Variants in MBP observed in about 807,000 individuals in gnomAD.
MBP encodes Golli-MBP.
MBP carries 16 observed loss-of-function variants against 35.8 expected under a neutral mutation model. That is an observed-to-expected ratio of 0.45 (90% CI 0.30 to 0.68). The LOEUF is 0.68. Among genes scored for constraint, MBP ranks in the 30% least tolerant of loss-of-function variants. MBP has a pLI of 0.08. For missense variants in MBP, 380 were observed against 404.7 expected (o/e 0.94, Z 0.52); for synonymous variants, 143 against 159.6 (o/e 0.90, Z 0.78).
intron 2 of MBP, among the ~76,000 whole-genome samples, chr18:77,076,055 T>G (rs774909860): frequency 9.9e-5 from 15 of 152,142 alleles, no homozygotes; most frequent in Non-Finnish European, 1.9e-4. Flanking sequence ...GCACTGTGAG[T>G]GTGAGTTACG....
chr18:77,091,592 C>A (rs1265160455), intron 2 of MBP, among the ~76,000 whole-genome samples: 2 of 150,194 alleles, frequency 1.3e-5, no homozygotes, highest in African/African-American at 4.9e-5. Flanking sequence ...AGAAACCACA[C>A]ACACACACAC....
intron 4 of MBP, among the ~76,000 whole-genome samples, chr18:76,992,787 G>GGAGCCA (rs1422316890): frequency 2.0e-5 from 3 of 152,154 alleles, no homozygotes; most frequent in African/African-American, 7.2e-5. Flanking sequence ...AGCCCTGCCA[G>GGAGCCA]GAGCCAGAGC....
At chr18:77,126,979 A>C (rs991112797) in intron 1 of MBP, among the ~76,000 whole-genome samples, 1 of 152,248 alleles carries the variant, frequency 6.6e-6, no homozygotes, top group Non-Finnish European at 1.5e-5. Flanking sequence ...TATACATTTG[A>C]AGAAATTCCT....
At chr18:77,034,156 G>C (rs992028713) in intron 3 of MBP, among the ~76,000 whole-genome samples, 2 of 151,402 alleles carry the variant, frequency 1.3e-5, no homozygotes, top group South Asian at 2.1e-4. Flanking sequence ...GGAAGTCAGA[G>C]AGATTCTAGG....
At chr18:77,021,291 A>C (rs1262463911) in intron 3 of MBP, among the ~76,000 whole-genome samples, 1 of 152,224 alleles carries the variant, frequency 6.6e-6, no homozygotes, top group Non-Finnish European at 1.5e-5. Context: ...GTACACACAC[A>C]CACGCAAACA....
intron 3 of MBP, among the ~76,000 whole-genome samples, chr18:77,032,898 T>C (rs1379484562): frequency 6.6e-6 from 1 of 152,198 alleles, no homozygotes; most frequent in Non-Finnish European, 1.5e-5. Flanking sequence ...CAAAACACAC[T>C]AGTTGAACTG....
intron 3 of MBP, among the ~76,000 whole-genome samples, chr18:77,048,022 T>C (rs1973325288): frequency 6.6e-6 from 1 of 152,214 alleles, no homozygotes; most frequent in South Asian, 2.1e-4. Context: ...GCAATGCCAG[T>C]AAAAAATAGG....
chr18:77,020,619 C>T lies in MBP; in HGVS notation c.140-3351G>A, dbSNP rs1028053684. 2.6e-5 allele frequency among the ~76,000 whole-genome samples: 4 copies of T among 152,216 alleles called. No homozygotes were observed. Among genetic ancestry groups the T allele is most frequent in the African/African-American group, 9.6e-5 (4 of 41,458 alleles). ...TGACATGCTGTCTGTTAGGGAGGCTCGTTAGAGACCCTTCCCAGGGCTTTA... is the reference window on the plus strand; with the variant it reads ...TGACATGCTGTCTGTTAGGGAGGCTTGTTAGAGACCCTTCCCAGGGCTTTA... On this transcript the variant is annotated intron_variant, in intron 3 of 8. Transcript: ENST00000355994. This position sits in a 1 kb window ranked among gnomAD's most constrained non-coding sequence, Gnocchi z 4.1.
At chr18:77,083,517 T>C (rs1359758061) in intron 2 of MBP, among the ~76,000 whole-genome samples, 1 of 152,200 alleles carries the variant, frequency 6.6e-6, no homozygotes, top group Admixed American at 6.5e-5. Context: ...CGTGTCCACA[T>C]AAAAAGTTGC....
chr18:77,105,353 C>A, intron 1 of MBP, 67 bp from the exon 2 acceptor site: 1 of 1,012,930 alleles, frequency 9.9e-7, no homozygotes, highest in Non-Finnish European at 1.6e-6. Context: ...GTTGTTTTTC[C>A]ATCAGAAAGA....
chr18:77,038,327 G>A (rs1437002414), intron 3 of MBP, among the ~76,000 whole-genome samples: 1 of 152,206 alleles, frequency 6.6e-6, no homozygotes, highest in Non-Finnish European at 1.5e-5. Flanking sequence ...GTGTGAACTG[G>A]CAGCCCTGGG....
intron 2 of MBP, among the ~76,000 whole-genome samples, chr18:77,076,966 G>A (rs1974676942): frequency 6.6e-6 from 1 of 152,204 alleles, no homozygotes. Flanking sequence ...TTGTACAAGA[G>A]TGAGAATAAT....
intron 1 of MBP, among the ~76,000 whole-genome samples, chr18:77,121,407 A>G (rs1431186413): frequency 6.6e-6 from 1 of 151,934 alleles, no homozygotes; most frequent in Non-Finnish European, 1.5e-5. Context: ...TAGTGTTAGG[A>G]CTCTTTCCTA....
At position 76,980,161 on chromosome 18, in the gene MBP, G is replaced by A. The variant is rs879461505; in HGVS notation, c.*266C>T. 2.5e-5 allele frequency: 16 copies of A among 643,298 alleles called. No homozygotes were observed. The highest frequency in any genetic ancestry group is 3.6e-5 in the African/African-American group (2 of 54,950). 39.8% of individuals were successfully genotyped at this position (643,298 alleles called of 1,614,324 possible). A position where few individuals can be genotyped will look rare whatever the true frequency, so the allele number is the denominator to read the frequency against. On this transcript the variant is annotated 3_prime_UTR_variant, in exon 9 of 9. Coordinates refer to ENST00000355994, the MANE Select transcript of MBP (RefSeq NM_001025101.2). The stretch of plus-strand genomic sequence containing the variant: ...CCTGGCCCCCTGAAGACCCACGTGC[G>A]TCTGGGGGCACATTGCGGGGGAAGG...
chr18:77,118,714 A>C (rs1167278574), intron 1 of MBP, among the ~76,000 whole-genome samples: 1 of 129,032 alleles, frequency 7.8e-6, no homozygotes, highest in East Asian at 2.4e-4. Flanking sequence ...CCCCCACACT[A>C]TATGCATACC....
chr18:76,992,501 C>A (rs745764081), intron 4 of MBP, among the ~76,000 whole-genome samples: 6 of 152,262 alleles, frequency 3.9e-5, no homozygotes, highest in Middle Eastern at 6.8e-3. Flanking sequence ...ACGTTTCTTG[C>A]CCTCACCCCC....
chr18:77,013,232 G>T, intron 4 of MBP: 6 of 985,434 alleles, frequency 6.1e-6, no homozygotes, highest in Non-Finnish European at 6.0e-6. Context: ...TCCAATGGAG[G>T]TACTGAGTGG....
chr18:77,012,971 G>A (rs1971433255), intron 4 of MBP: 1 of 985,370 alleles, frequency 1.0e-6, no homozygotes, highest in Non-Finnish European at 1.2e-6. Context: ...TGCCAGTACA[G>A]ACACATCCAG....
In MBP at chr18:76,984,801, C is replaced by T. The variant is rs1224287587; in HGVS notation, c.844G>A (p.Gly282Ser). ...HKGFKGVDAQ[G>S]TLSKIFKLGG... Reference sequence around the variant, plus strand: ...AGCTTAAAAATTTTGGAAAGCGTGCCCTGGGCATCGACTCCCTTGAATCCC... The same window carrying T: ...AGCTTAAAAATTTTGGAAAGCGTGCTCTGGGCATCGACTCCCTTGAATCCC... Residue 282 changes from glycine (G) to serine (S), a missense_variant, in exon 8 of 9, where the codon GGC (glycine) becomes AGC (serine). Transcript: ENST00000355994. 1 of 1,614,098 alleles carries T rather than the reference C, an allele frequency of 6.2e-7. No homozygotes were observed. The highest frequency in any genetic ancestry group is 2.2e-5 in the East Asian group (1 of 44,872).
Sources: allele counts gnomAD v4.1 joint callset (sites outside exome capture counted in the v4.1 genomes callset), GRCh38; gene constraint gnomAD v4.1.1; non-coding constraint Gnocchi (gnomAD v3.1); transcripts MANE v1.5; gene names NCBI Gene and HGNC (gene_info 2026-07-23, HGNC 2026-07-21).